The following CADPS variants were observed in gnomAD, a reference collection of about 807,000 sequenced individuals.
The protein encoded by CADPS is calcium-dependent secretion activator 1.
In CADPS, 57 loss-of-function variants were observed where a neutral mutation model predicts 167.3. That is an observed-to-expected ratio of 0.34 (90% CI 0.28 to 0.42). CADPS has a LOEUF of 0.42. CADPS is among the 20% of genes least tolerant of loss of function. The pLI, the probability that CADPS is intolerant of heterozygous loss-of-function variation, is 1.00. For missense variants in CADPS, 1,414 were observed against 1,738.1 expected, an observed-to-expected ratio of 0.81 and a Z score of 3.32; for synonymous variants, 676 against 635.3, an observed-to-expected ratio of 1.06 and a Z score of -0.96.
chr3:62,865,830 A>G (rs1277550871), intron 1 of CADPS, among the ~76,000 whole-genome samples: 1 of 152,148 alleles, frequency 6.6e-6, no homozygotes, highest in Non-Finnish European at 1.5e-5. Context: ...GCAGCTTACA[A>G]TAAAATAACA....
intron 3 of CADPS, among the ~76,000 whole-genome samples, chr3:62,700,246 G>C (rs1214593521): frequency 2.0e-5 from 3 of 152,124 alleles, no homozygotes; most frequent in Non-Finnish European, 4.4e-5. Flanking sequence ...AAGAGGTGGA[G>C]CTTAATTCTT....
At chr3:62,560,874 T>C (rs2079030923) in intron 9 of CADPS, among the ~76,000 whole-genome samples, 1 of 151,552 alleles carries the variant, frequency 6.6e-6, no homozygotes. Context: ...AGGTCAGGAG[T>C]TTGAGACCAG....
At chr3:62,540,870 T>C (rs2075576105) in intron 11 of CADPS, among the ~76,000 whole-genome samples, 1 of 152,126 alleles carries the variant, frequency 6.6e-6, no homozygotes, top group Non-Finnish European at 1.5e-5. Context: ...TGGAATTGGT[T>C]GATTAAAGAA....
chr3:62,517,001 A>T (rs2069153814), intron 14 of CADPS, among the ~76,000 whole-genome samples: 1 of 152,156 alleles, frequency 6.6e-6, no homozygotes, highest in Admixed American at 6.6e-5. Context: ...TAGTTGGAAC[A>T]GGCTGAAATT....
At chr3:62,444,331 C>T (rs2149907745) in intron 27 of CADPS, among the ~76,000 whole-genome samples, 1 of 152,312 alleles carries the variant, frequency 6.6e-6, no homozygotes, top group Non-Finnish European at 1.5e-5. Flanking sequence ...CCACGTGTGT[C>T]CTTCTCCTGG....
intron 1 of CADPS, among the ~76,000 whole-genome samples, chr3:62,854,263 C>T (rs887167485): frequency 1.3e-4 from 20 of 152,250 alleles, no homozygotes; most frequent in African/African-American, 4.6e-4. Context: ...TGAACCTCCC[C>T]GTTAAAAAAG....
intron 22 of CADPS, among the ~76,000 whole-genome samples, chr3:62,479,316 G>T (rs912930808): frequency 6.6e-6 from 1 of 152,172 alleles, no homozygotes; most frequent in African/African-American, 2.4e-5. Context: ...CTGGCTGGCT[G>T]TCTTTTTTGT....
intron 23 of CADPS, among the ~76,000 whole-genome samples, chr3:62,476,561 G>C (rs1277548314): frequency 1.3e-5 from 2 of 152,132 alleles, no homozygotes; most frequent in Non-Finnish European, 1.5e-5. Flanking sequence ...AAATGAAAAA[G>C]ATCCACTCCC....
chr3:62,485,055 C>T (rs530870530), intron 21 of CADPS, among the ~76,000 whole-genome samples: 1 of 152,200 alleles, frequency 6.6e-6, no homozygotes, highest in South Asian at 2.1e-4. Flanking sequence ...CCCACAACTT[C>T]CTTCTCCATG....
chr3:62,542,352 C>T (rs1362145518), intron 11 of CADPS, among the ~76,000 whole-genome samples: 1 of 152,058 alleles, frequency 6.6e-6, no homozygotes, highest in African/African-American at 2.4e-5. Context: ...GTCATATCTG[C>T]TTGACAGTAC....
At chr3:62,590,602 T>C (rs1006475580) in intron 7 of CADPS, among the ~76,000 whole-genome samples, 1 of 152,128 alleles carries the variant, frequency 6.6e-6, no homozygotes, top group African/African-American at 2.4e-5. Flanking sequence ...TGACTCCAGG[T>C]TGATTCTATA....
intron 3 of CADPS, 80 bp from the exon 4 acceptor site, chr3:62,662,474 C>A: frequency 8.7e-7 from 1 of 1,154,652 alleles, no homozygotes; most frequent in Non-Finnish European, 1.3e-6. Context: ...TTTTATACCC[C>A]CTTGCACTGT....
At chr3:62,866,604 T>C (rs1014888443) in intron 1 of CADPS, among the ~76,000 whole-genome samples, 2 of 152,032 alleles carry the variant, frequency 1.3e-5, no homozygotes, top group African/African-American at 4.8e-5. Context: ...ACTTGAGTTA[T>C]AATAATTAAA....
intron 2 of CADPS, among the ~76,000 whole-genome samples, chr3:62,758,648 A>T (rs1575963824): frequency 6.6e-6 from 1 of 152,246 alleles, no homozygotes; most frequent in Admixed American, 6.5e-5. Context: ...AGTGGCTGCC[A>T]CAAGAGACTT....
chr3:62,627,009 C>A (rs1158103176), intron 6 of CADPS, among the ~76,000 whole-genome samples: 2 of 151,974 alleles, frequency 1.3e-5, no homozygotes, highest in Non-Finnish European at 2.9e-5. Context: ...CTTTTCAAAG[C>A]CATATTTGGA....
intron 1 of CADPS, among the ~76,000 whole-genome samples, chr3:62,814,926 C>T (rs1269174075): frequency 6.6e-6 from 1 of 152,166 alleles, no homozygotes; most frequent in Non-Finnish European, 1.5e-5. Flanking sequence ...AAAGTTAACT[C>T]CATTTTGACA....
At chr3:62,697,364 T>C (rs2080504685) in intron 3 of CADPS, among the ~76,000 whole-genome samples, 1 of 152,076 alleles carries the variant, frequency 6.6e-6, no homozygotes, top group African/African-American at 2.4e-5. Context: ...CATATGATGT[T>C]TGGTTTTCCA....
At chr3:62,520,873 T>C (rs2070373467) in intron 13 of CADPS, among the ~76,000 whole-genome samples, 2 of 152,230 alleles carry the variant, frequency 1.3e-5, no homozygotes, top group South Asian at 4.1e-4. Flanking sequence ...TTTCGAAAAT[T>C]CTGTCAAACA....
intron 6 of CADPS, among the ~76,000 whole-genome samples, chr3:62,596,616 TCTAG>T (rs2058983230): frequency 6.6e-6 from 1 of 152,236 alleles, no homozygotes; most frequent in Non-Finnish European, 1.5e-5. Flanking sequence ...CAAAATCCTC[TCTAG>T]CTATTTGAAA....
Sources: gnomAD v4.1 joint callset for allele counts (sites outside exome capture counted in the v4.1 genomes callset) on GRCh38, gnomAD v4.1.1 for gene constraint, MANE v1.5 for transcripts, NCBI Gene and HGNC (gene_info 2026-07-23, HGNC 2026-07-21) for gene names.